KCNH1: variants seen among roughly 807,000 people sequenced by gnomAD.
KCNH1 encodes potassium voltage-gated channel subfamily H member 1, also known as voltage-gated delayed rectifier potassium channel KCNH1.
A neutral mutation model predicts 69.2 loss-of-function variants in KCNH1; 27 were observed. The observed-to-expected ratio is 0.39, with a 90% CI of 0.29 to 0.54. The LOEUF (loss-of-function observed/expected upper bound fraction) is 0.54. KCNH1 is among the 20% of genes least tolerant of loss of function. The pLI, the probability that KCNH1 is intolerant of heterozygous loss-of-function variation, is 0.68. For missense variants in KCNH1, 798 were observed against 1,261.6 expected, an observed-to-expected ratio of 0.63 and a Z score of 5.57; for synonymous variants, 456 against 487.7, an observed-to-expected ratio of 0.93 and a Z score of 0.86.
At chr1:210,735,802 C>T (rs899759378) in intron 10 of KCNH1, among the ~76,000 whole-genome samples, 2 of 143,126 alleles carry the variant, frequency 1.4e-5, no homozygotes, top group African/African-American at 5.1e-5. Flanking sequence ...TACACAGACA[C>T]ACACACACAC....
At chr1:211,031,290 T>C (rs1689779817) in intron 5 of KCNH1, among the ~76,000 whole-genome samples, 1 of 152,162 alleles carries the variant, frequency 6.6e-6, no homozygotes, top group Non-Finnish European at 1.5e-5. Context: ...CCAGATGGAT[T>C]CACAGCCAAA....
In KCNH1 at chr1:210,919,845, C is replaced by T. The variant is rs768268856; in HGVS notation, c.1257G>A (p.Leu419=). 13 of 1,614,088 alleles carry T rather than the reference C, an allele frequency of 8.1e-6. No homozygotes were observed. The highest frequency in any genetic ancestry group is 8.0e-5 in the African/African-American group (6 of 74,932). The part of the protein sequence containing the change: ...DTKTIRNNSW[L]YQLAMDIGTP... ...TGCCAATGTCCATCGCTAGTTGGTA[C>T]AGCCAGCTGTTGTTGCGGATTGTCT... is the stretch of plus-strand genomic sequence containing the variant. The change falls in exon 7 of 11, where the codon CTG becomes CTA. Residue 419 remains leucine (L), a synonymous_variant. Transcript: ENST00000271751. This position sits in a 1 kb window ranked among gnomAD's most constrained non-coding sequence, Gnocchi z 4.2.
rs1681694284 is a variant in KCNH1, at chr1:210,698,459, A to G, written c.2113-14321T>C. 7.2e-5 allele frequency among the ~76,000 whole-genome samples: 11 copies of G among 152,354 alleles called. No homozygotes were observed. The South Asian group carries it at 2.3e-3, about 32-fold the overall frequency. ...GAATAGATACACCATAACCAGAAGA[A>G]GAGAAGGTAAAAGAGAAAGAAGGAT... On this transcript the variant is annotated intron_variant, in intron 10 of 10. Transcript: ENST00000271751.
At chr1:211,002,565 T>C (rs1291139738) in intron 6 of KCNH1, among the ~76,000 whole-genome samples, 1 of 152,036 alleles carries the variant, frequency 6.6e-6, no homozygotes, top group Non-Finnish European at 1.5e-5. Flanking sequence ...TAAATAATTA[T>C]CCTTAACATA....
At chr1:210,946,708 C>T (rs190083741) in intron 6 of KCNH1, among the ~76,000 whole-genome samples, 1 of 152,334 alleles carries the variant, frequency 6.6e-6, no homozygotes, top group Non-Finnish European at 1.5e-5. Context: ...CCTGCCTTCT[C>T]TCCCGCCGTG....
At chr1:210,982,435 C>G (rs1352100871) in intron 6 of KCNH1, among the ~76,000 whole-genome samples, 1 of 151,926 alleles carries the variant, frequency 6.6e-6, no homozygotes, top group African/African-American at 2.4e-5. Flanking sequence ...CCACTCCACA[C>G]CAGTCCCCGG....
chr1:210,707,281 A>G (rs1303000518), intron 10 of KCNH1, among the ~76,000 whole-genome samples: 3 of 152,128 alleles, frequency 2.0e-5, no homozygotes, highest in African/African-American at 2.4e-5. Flanking sequence ...CAGCTCTGCA[A>G]TGAGGTCCCT....
chr1:210,816,923 A>G (rs1684829445), intron 7 of KCNH1, among the ~76,000 whole-genome samples: 1 of 152,216 alleles, frequency 6.6e-6, no homozygotes, highest in Non-Finnish European at 1.5e-5. Flanking sequence ...ACATCATAAT[A>G]ATTGGACAGA....
chr1:210,912,024 T>A (rs940747163), intron 7 of KCNH1, among the ~76,000 whole-genome samples: 18 of 152,144 alleles, frequency 1.2e-4, no homozygotes, highest in Admixed American at 6.5e-4. Flanking sequence ...AATGACTTTG[T>A]CAGATGAAAC....
chr1:210,917,229 G>GAGAGAGAGAGAAAGAAAGAA (rs1430374011), intron 7 of KCNH1, among the ~76,000 whole-genome samples: 1 of 78,800 alleles, frequency 1.3e-5, no homozygotes, highest in Non-Finnish European at 2.5e-5. Flanking sequence ...GAGAGAGAGA[G>GAGAGAGAGAGAAAGAAAGAA]AGAAAGAAAG....
At chr1:211,117,124 G>A (rs1183656755) in intron 1 of KCNH1, among the ~76,000 whole-genome samples, 1 of 152,142 alleles carries the variant, frequency 6.6e-6, no homozygotes, top group African/African-American at 2.4e-5. Flanking sequence ...AGGCAATATG[G>A]CCACTTTTAG....
At position 210,980,831 on chromosome 1, in the gene KCNH1, G is replaced by C. The variant is rs541080700; in HGVS notation, c.1032+37952C>G. 4.6e-5 allele frequency among the ~76,000 whole-genome samples: 7 copies of C among 152,178 alleles called. No individual in the cohort carries two copies. In the East Asian group the frequency reaches 1.2e-3, roughly 25 times the overall value. On this transcript the variant is annotated intron_variant, in intron 6 of 10. Transcript: ENST00000271751. ...AATGTATTAGACAATGTGTGTGTGT[G>C]TGTGTGTGTGTGTGCATTTATATAC...
chr1:210,830,571 A>C (rs1304489214), intron 7 of KCNH1, among the ~76,000 whole-genome samples: 1 of 152,020 alleles, frequency 6.6e-6, no homozygotes, highest in Non-Finnish European at 1.5e-5. Context: ...GAAGAAAAGA[A>C]ACCAGCTGCT....
intron 5 of KCNH1, among the ~76,000 whole-genome samples, chr1:211,021,529 C>T (rs577651883): frequency 6.6e-6 from 1 of 151,930 alleles, no homozygotes; most frequent in African/African-American, 2.4e-5. Context: ...GGAAGTCAAA[C>T]TGTCCCTGTT....
intron 6 of KCNH1, among the ~76,000 whole-genome samples, chr1:210,929,038 A>G (rs1687631609): frequency 1.3e-5 from 2 of 152,156 alleles, no homozygotes; most frequent in Non-Finnish European, 2.9e-5. Context: ...AATAATTTAA[A>G]AATTTCTGAC....
At chr1:210,761,318 C>T (rs187884678) in intron 10 of KCNH1, among the ~76,000 whole-genome samples, 90 of 136,454 alleles carry the variant, frequency 6.6e-4, no homozygotes, top group African/African-American at 2.3e-3. Context: ...AAAGCAATGA[C>T]AGAATTGAGA....
At chr1:211,108,439 T>C (rs534208552) in intron 1 of KCNH1, 7 of 152,064 alleles carry the variant, frequency 4.6e-5, no homozygotes, top group Non-Finnish European at 8.8e-5. Flanking sequence ...AGTGAAATAA[T>C]AGTGATATAT....
chr1:211,047,154 C>T (rs1029707024), intron 5 of KCNH1, among the ~76,000 whole-genome samples: 1 of 152,152 alleles, frequency 6.6e-6, no homozygotes, highest in East Asian at 1.9e-4. Context: ...TCAATTCAGA[C>T]AAGCCACATC....
intron 7 of KCNH1, among the ~76,000 whole-genome samples, chr1:210,894,208 T>C (rs1686811229): frequency 1.3e-5 from 2 of 152,224 alleles, no homozygotes; most frequent in South Asian, 4.1e-4. Flanking sequence ...TGAGCTTTAT[T>C]CTGGAACACA....
Sources: gnomAD v4.1 joint callset for allele counts (sites outside exome capture counted in the v4.1 genomes callset) on GRCh38, gnomAD v4.1.1 for gene constraint, Gnocchi (gnomAD v3.1) non-coding constraint, MANE v1.5 for transcripts, NCBI Gene and HGNC (gene_info 2026-07-23, HGNC 2026-07-21) for gene names.